The following DLC1 variants were observed in gnomAD, a reference collection of about 807,000 sequenced individuals.
DLC1 encodes rho GTPase-activating protein 7.
A neutral mutation model predicts 140.3 loss-of-function variants in DLC1; 54 were observed. The observed-to-expected ratio is 0.38, with a 90% CI of 0.31 to 0.48. The LOEUF (loss-of-function observed/expected upper bound fraction) is 0.48. DLC1 is among the 20% of genes least tolerant of loss of function. The pLI, the probability that DLC1 is intolerant of heterozygous loss-of-function variation, is 0.96. For synonymous variants in DLC1, 986 were observed against 728.1 expected (o/e 1.35, Z -5.70); for missense variants, 2,536 against 1,907.0 (o/e 1.33, Z -6.14).
intron 1 of DLC1, among the ~76,000 whole-genome samples, chr8:13,545,444 A>C (rs1013645576): frequency 4.6e-5 from 7 of 151,988 alleles, no homozygotes; most frequent in African/African-American, 1.7e-4. Context: ...GCCAATATTC[A>C]CCTTTTCTTT....
At chr8:13,562,459 C>G (rs1284209532) in intron 1 of DLC1, among the ~76,000 whole-genome samples, 1 of 152,162 alleles carries the variant, frequency 6.6e-6, no homozygotes, top group Non-Finnish European at 1.5e-5. Context: ...CCTTTATGCA[C>G]ATGAAATGGT....
intron 5 of DLC1, among the ~76,000 whole-genome samples, chr8:13,294,371 T>C (rs1394449195): frequency 6.6e-6 from 1 of 152,162 alleles, no homozygotes; most frequent in African/African-American, 2.4e-5. Flanking sequence ...CAGAAGACAA[T>C]GACAGTCCAT....
In DLC1 at chr8:13,083,932, A is replaced by G. The variant is rs1412571747; in HGVS notation, c.*1879T>C. ...AGCCCAGACTTTTCCCTTACTTTAA[A>G]CATTTAATAATAGTGCACTTATTGA... On this transcript the variant is annotated 3_prime_UTR_variant, in exon 18 of 18. Transcript: ENST00000276297. 2.0e-5 allele frequency: 3 copies of G among 152,632 alleles called. No homozygotes were observed. Among genetic ancestry groups the G allele is most frequent in the African/African-American group, 7.2e-5 (3 of 41,456 alleles). The allele number at this position is 152,632 out of a possible 1,614,324, so 9.5% of individuals were successfully genotyped here.
chr8:13,098,286 T>G, intron 10 of DLC1, 113 bp downstream of exon 10: 1 of 1,309,990 alleles, frequency 7.6e-7, no homozygotes. Context: ...GGATGACAGA[T>G]GAAATATATT....
At chr8:13,127,750 A>C (rs189544873) in intron 5 of DLC1, among the ~76,000 whole-genome samples, 56 of 152,334 alleles carry the variant, frequency 3.7e-4, no homozygotes, top group Middle Eastern at 3.4e-3. Flanking sequence ...TGTCCCTTAA[A>C]CATCCTTTAG....
intron 5 of DLC1, among the ~76,000 whole-genome samples, chr8:13,236,331 T>G (rs1275917460): frequency 3.3e-5 from 5 of 152,098 alleles, no homozygotes; most frequent in Admixed American, 3.3e-4. Context: ...TTAGTTCAAG[T>G]TGATTATCTG....
rs550653592 is a variant in DLC1, at chr8:13,333,896, C to A, written c.1315-28594G>T. On this transcript the variant is annotated intron_variant, in intron 4 of 17. Transcript: ENST00000276297. ...GACACAGAAAATTTTCAAGTGTCTTCTCTGTGTGCCAGACACCTTATACAT... is the reference window on the plus strand; with the variant it reads ...GACACAGAAAATTTTCAAGTGTCTTATCTGTGTGCCAGACACCTTATACAT... Among the ~76,000 whole-genome samples, 46 of 152,238 alleles carry A rather than the reference C, an allele frequency of 3.0e-4. 1 individual carries two copies. Among genetic ancestry groups the A allele is most frequent in the African/African-American group, 1.1e-3 (45 of 41,534 alleles).
chr8:13,086,234 A>G (rs1817546034), intron 17 of DLC1, 56 bp downstream of exon 17: 6 of 1,568,890 alleles, frequency 3.8e-6, no homozygotes, highest in Non-Finnish European at 5.2e-6. Context: ...TTAGACAAAA[A>G]GTCAGAATTT....
At chr8:13,207,413 C>T (rs566499882) in intron 5 of DLC1, among the ~76,000 whole-genome samples, 2 of 152,268 alleles carry the variant, frequency 1.3e-5, no homozygotes, top group East Asian at 3.9e-4. Context: ...ACCTTCACGG[C>T]TTTTAAAATC....
intron 8 of DLC1, among the ~76,000 whole-genome samples, chr8:13,101,680 C>A (rs867120882): frequency 6.6e-6 from 1 of 152,152 alleles, no homozygotes; most frequent in South Asian, 2.1e-4. Flanking sequence ...TGAAGGCTAG[C>A]GCTCAGGCCA....
At chr8:13,164,480 T>G (rs2116891649) in intron 5 of DLC1, among the ~76,000 whole-genome samples, 1 of 152,242 alleles carries the variant, frequency 6.6e-6, no homozygotes, top group South Asian at 2.1e-4. Flanking sequence ...GGTAGTTGGG[T>G]CATATGCCTG....
At chr8:13,567,679 A>C (rs1013508825) in intron 1 of DLC1, 32 of 1,551,850 alleles carry the variant, frequency 2.1e-5, no homozygotes, top group Non-Finnish European at 2.8e-5. Flanking sequence ...ACTCCAAGAG[A>C]GAATAGATGA....
intron 5 of DLC1, among the ~76,000 whole-genome samples, chr8:13,226,655 C>T (rs1408914245): frequency 6.6e-6 from 1 of 152,156 alleles, no homozygotes; most frequent in African/African-American, 2.4e-5. Flanking sequence ...CCAGGGTGAT[C>T]TATGTATGTA....
At chr8:13,317,288 G>A (rs557863646) in intron 4 of DLC1, among the ~76,000 whole-genome samples, 2 of 152,250 alleles carry the variant, frequency 1.3e-5, no homozygotes, top group African/African-American at 2.4e-5. Context: ...GTATGAAAAC[G>A]TTAGTGTCCA....
chr8:13,202,775 G>C lies in DLC1; in HGVS notation c.1349-87118C>G, dbSNP rs144636981. 3.5e-4 allele frequency among the ~76,000 whole-genome samples: 53 copies of C among 152,098 alleles called. 1 individual carries two copies. In the East Asian group the frequency reaches 9.3e-3, roughly 27 times the overall value. ...AGCAAACTTGACTTCCCAGCCCCAG[G>C]TGATCCTCCCACCTCTGCCTCCTGA... On this transcript the variant is annotated intron_variant, in intron 5 of 17. Coordinates refer to ENST00000276297, the MANE Select transcript of DLC1 (RefSeq NM_182643.3).
chr8:13,378,024 G>A (rs1433520641), intron 4 of DLC1, among the ~76,000 whole-genome samples: 1 of 150,468 alleles, frequency 6.6e-6, no homozygotes, highest in African/African-American at 2.4e-5. Flanking sequence ...AAGTGTTAAT[G>A]ATGTTACTAT....
intron 2 of DLC1, among the ~76,000 whole-genome samples, chr8:13,426,451 T>A (rs2117371219): frequency 6.6e-6 from 1 of 152,320 alleles, no homozygotes; most frequent in South Asian, 2.1e-4. Flanking sequence ...AATAGTTACC[T>A]CTGTATTTTA....
At chr8:13,495,660 C>A (rs1473384561) in intron 2 of DLC1, among the ~76,000 whole-genome samples, 1 of 152,090 alleles carries the variant, frequency 6.6e-6, no homozygotes, top group African/African-American at 2.4e-5. Flanking sequence ...TAATCCCCTC[C>A]AATTGAGACT....
chr8:13,529,615 A>G (rs970614362), intron 1 of DLC1, among the ~76,000 whole-genome samples: 6 of 152,198 alleles, frequency 3.9e-5, no homozygotes, highest in Non-Finnish European at 7.3e-5. Context: ...CAACAGTTGT[A>G]TCTAAAGACT....
Sources: gnomAD v4.1 joint callset for allele counts (sites outside exome capture counted in the v4.1 genomes callset) on GRCh38, gnomAD v4.1.1 for gene constraint, MANE v1.5 for transcripts, NCBI Gene and HGNC (gene_info 2026-07-23, HGNC 2026-07-21) for gene names.